C9orf153: variants seen among roughly 807,000 people sequenced by gnomAD.
The protein encoded by C9orf153 is uncharacterized protein C9orf153.
In C9orf153, 10 loss-of-function variants were observed where a neutral mutation model predicts 9.0. That is an observed-to-expected ratio of 1.11 (90% CI 0.69 to 1.89). The LOEUF (loss-of-function observed/expected upper bound fraction) is 1.89. C9orf153 is among the 40% of genes most tolerant of loss of function. C9orf153 has a pLI of 0.00. For synonymous variants in C9orf153, 35 were observed against 37.3 expected, an observed-to-expected ratio of 0.94 and a Z score of 0.23; for missense variants, 108 against 111.0, an observed-to-expected ratio of 0.97 and a Z score of 0.12.
chr9:86,226,972 G>A (rs1157323069), intron 3 of C9orf153, among the ~76,000 whole-genome samples: 1 of 152,056 alleles, frequency 6.6e-6, no homozygotes, highest in Admixed American at 6.6e-5. Context: ...CACCATGTTG[G>A]CCAGGCTGGT....
intron 3 of C9orf153, chr9:86,227,315 T>TCTTATTTA: frequency 7.0e-7 from 1 of 1,425,826 alleles, no homozygotes; most frequent in Non-Finnish European, 9.1e-7. Flanking sequence ...CTCAGCTAAT[T>TCTTATTTA]TTTATTTATT....
intron 3 of C9orf153, among the ~76,000 whole-genome samples, chr9:86,221,994 T>C (rs1354158423): frequency 6.6e-6 from 1 of 152,156 alleles, no homozygotes; most frequent in Admixed American, 6.5e-5. Context: ...CAAATGATTC[T>C]CCTGCCTCAG....
chr9:86,254,768 G>C (rs1825075372), intron 1 of C9orf153, among the ~76,000 whole-genome samples: 1 of 152,150 alleles, frequency 6.6e-6, no homozygotes, highest in Non-Finnish European at 1.5e-5. Context: ...TCAGAACTAA[G>C]AGACTTGGCC....
At chr9:86,251,005 T>C (rs940204085) in intron 1 of C9orf153, among the ~76,000 whole-genome samples, 2 of 152,204 alleles carry the variant, frequency 1.3e-5, no homozygotes, top group African/African-American at 4.8e-5. Context: ...GCAATCCTCC[T>C]GCCTCGCCCT....
chr9:86,225,437 CCTTCCT>C (rs370756341), intron 3 of C9orf153, among the ~76,000 whole-genome samples: 28,584 of 132,110 alleles, frequency 0.22, 2,818 homozygotes, highest in Middle Eastern at 0.31. Context: ...TTCCTTCCTT[CCTTCCT>C]TCCTCTCTTT....
chr9:86,239,230 C>T (rs1824673950), intron 1 of C9orf153, among the ~76,000 whole-genome samples: 1 of 150,754 alleles, frequency 6.6e-6, no homozygotes, highest in Non-Finnish European at 1.5e-5. Context: ...CACTGCACTC[C>T]AGCCTGGCGA....
chr9:86,259,317 G>A (rs996484381), intron 1 of C9orf153, among the ~76,000 whole-genome samples: 2 of 152,062 alleles, frequency 1.3e-5, no homozygotes, highest in East Asian at 1.9e-4. Context: ...CTGCAGGCTC[G>A]GCCCGATCAA....
Position 86,259,566 on chromosome 9 carries a change from G to C in C9orf153, c.-43C>G, listed in dbSNP as rs1388759724. ...TGCACTTACCACTTGTTTTACAGTT[G>C]TCTCTTCACGTGGTCATATCTGTCT... On this transcript the variant is annotated 5_prime_UTR_variant, in exon 1 of 4. Coordinates refer to ENST00000339137, the MANE Select transcript of C9orf153 (RefSeq NM_001276366.4). 1 of 152,112 alleles carries C rather than the reference G, an allele frequency of 6.6e-6. No individual in the cohort carries two copies. 9.4% of individuals were successfully genotyped at this position (152,112 alleles called of 1,614,324 possible). A position where few individuals can be genotyped will look rare whatever the true frequency, so the allele number is the denominator to read the frequency against.
chr9:86,255,368 G>T (rs1298880444), intron 1 of C9orf153, among the ~76,000 whole-genome samples: 2 of 152,196 alleles, frequency 1.3e-5, no homozygotes, highest in African/African-American at 4.8e-5. Context: ...CTGCAAAGTT[G>T]TCTTTCGTGG....
At chr9:86,241,216 A>G (rs534525203) in intron 1 of C9orf153, among the ~76,000 whole-genome samples, 6 of 152,282 alleles carry the variant, frequency 3.9e-5, no homozygotes, top group African/African-American at 1.4e-4. Flanking sequence ...CTATTTTTAC[A>G]GGAACGTGTT....
chr9:86,251,778 G>A (rs753462842), intron 1 of C9orf153, among the ~76,000 whole-genome samples: 7 of 152,214 alleles, frequency 4.6e-5, no homozygotes, highest in Non-Finnish European at 8.8e-5. Context: ...GAATGGATCC[G>A]TTTATCAGGT....
At chr9:86,242,359 CT>C (rs33917348) in intron 1 of C9orf153, among the ~76,000 whole-genome samples, 2,714 of 150,024 alleles carry the variant, frequency 0.018, 68 homozygotes, top group African/African-American at 0.05. Context: ...GGCTTACATT[CT>C]TTTTTTTTTC....
chr9:86,257,640 G>C (rs1376462107), intron 1 of C9orf153, among the ~76,000 whole-genome samples: 1 of 152,206 alleles, frequency 6.6e-6, no homozygotes, highest in East Asian at 1.9e-4. Context: ...GCACAGAGTA[G>C]GCACTCAGTA....
At chr9:86,253,381 A>C (rs1382445552) in intron 1 of C9orf153, among the ~76,000 whole-genome samples, 1 of 152,216 alleles carries the variant, frequency 6.6e-6, no homozygotes, top group East Asian at 1.9e-4. Context: ...AGGTCCAAGA[A>C]ACTCAAGATA....
At chr9:86,235,912 T>C (rs990638854) in intron 1 of C9orf153, among the ~76,000 whole-genome samples, 4 of 151,872 alleles carry the variant, frequency 2.6e-5, no homozygotes, top group Non-Finnish European at 5.9e-5. Context: ...CAATAATGAT[T>C]TAAAATTTCC....
At chr9:86,234,985 T>C (rs1320537402) in intron 1 of C9orf153, among the ~76,000 whole-genome samples, 1 of 152,048 alleles carries the variant, frequency 6.6e-6, no homozygotes, top group African/African-American at 2.4e-5. Flanking sequence ...ACAGGGCAAA[T>C]TGCTGACCTA....
At chr9:86,259,031 G>T (rs75103841) in intron 1 of C9orf153, among the ~76,000 whole-genome samples, 14 of 147,372 alleles carry the variant, frequency 9.5e-5, no homozygotes, top group Non-Finnish European at 1.3e-4. Context: ...ACAGAGCAGT[G>T]TTTTTTTTTT....
At chr9:86,221,781 C>G (rs998886135) in intron 3 of C9orf153, 48 bp from the exon 4 acceptor site, 2 of 1,302,310 alleles carry the variant, frequency 1.5e-6, no homozygotes, top group Non-Finnish European at 2.2e-6. Context: ...TGTTACTCAG[C>G]CTTTCATTAC....
At chr9:86,242,168 G>A (rs1824759079) in intron 1 of C9orf153, among the ~76,000 whole-genome samples, 1 of 152,124 alleles carries the variant, frequency 6.6e-6, no homozygotes, top group African/African-American at 2.4e-5. Flanking sequence ...GAGAAAAACA[G>A]GAAGAATCTT....
Sources: gnomAD v4.1 joint callset for allele counts (sites outside exome capture counted in the v4.1 genomes callset) on GRCh38, gnomAD v4.1.1 for gene constraint, MANE v1.5 for transcripts, NCBI Gene and HGNC (gene_info 2026-07-23, HGNC 2026-07-21) for gene names.